The following ZBTB20 variants were observed in gnomAD, a reference collection of about 807,000 sequenced individuals.
The protein encoded by ZBTB20 is zinc finger and BTB domain-containing protein 20.
A neutral mutation model predicts 56.9 loss-of-function variants in ZBTB20; 9 were observed. The ratio of observed to expected loss-of-function variants is 0.16; its 90% CI spans 0.10 to 0.28. The LOEUF (loss-of-function observed/expected upper bound fraction) is 0.28. Ranked by LOEUF, ZBTB20 falls within the 10% of genes least tolerant of loss-of-function variation. The probability of loss-of-function intolerance (pLI) is 1.00; values close to 1 mark genes in which losing one functional copy is unlikely to be tolerated. For missense variants in ZBTB20, 655 were observed against 1,003.0 expected, an observed-to-expected ratio of 0.65 and a Z score of 4.69; for synonymous variants, 417 against 420.7, an observed-to-expected ratio of 0.99 and a Z score of 0.11.
intron 2 of ZBTB20, among the ~76,000 whole-genome samples, chr3:115,039,396 A>G (rs546278346): frequency 1.8e-4 from 27 of 152,200 alleles, no homozygotes; most frequent in South Asian, 1.0e-3. Context: ...TTCCCAAGGC[A>G]TATACTATTA....
At chr3:114,604,798 A>G (rs1406991317) in intron 6 of ZBTB20, among the ~76,000 whole-genome samples, 1 of 152,034 alleles carries the variant, frequency 6.6e-6, no homozygotes, top group Non-Finnish European at 1.5e-5. Context: ...TCTAAGCTCA[A>G]TCGAGTTACC....
At chr3:114,927,081 C>T (rs2076186182) in intron 3 of ZBTB20, among the ~76,000 whole-genome samples, 1 of 152,152 alleles carries the variant, frequency 6.6e-6, no homozygotes, top group Non-Finnish European at 1.5e-5. Context: ...AAAAGTCAAG[C>T]TGGGGACTGC....
chr3:114,753,298 C>A (rs1486086539), intron 5 of ZBTB20, among the ~76,000 whole-genome samples: 8 of 132,924 alleles, frequency 6.0e-5, no homozygotes, highest in East Asian at 2.1e-4. Flanking sequence ...ATATGTATAC[C>A]TGTATATATA....
intron 3 of ZBTB20, among the ~76,000 whole-genome samples, chr3:114,922,617 A>G (rs1266193504): frequency 6.6e-6 from 1 of 152,150 alleles, no homozygotes; most frequent in Non-Finnish European, 1.5e-5. Flanking sequence ...AAAGAGAAAA[A>G]GTTTTTTTGG....
intron 1 of ZBTB20, among the ~76,000 whole-genome samples, chr3:115,083,563 T>C (rs1410056086): frequency 1.3e-5 from 2 of 152,080 alleles, no homozygotes; most frequent in South Asian, 2.1e-4. Context: ...TAGAAAGTTA[T>C]TTTAGAACAT....
intron 2 of ZBTB20, 126 bp downstream of exon 2, chr3:115,071,093 T>C (rs962649208): frequency 9.9e-5 from 15 of 152,162 alleles, no homozygotes; most frequent in African/African-American, 3.6e-4. Context: ...AATCATCTTA[T>C]ACATATAAAT....
chr3:114,878,978 G>A (rs544168297), intron 4 of ZBTB20, among the ~76,000 whole-genome samples: 3 of 152,290 alleles, frequency 2.0e-5, no homozygotes, highest in South Asian at 2.1e-4. Context: ...AGCCAGGTAC[G>A]AATTGGCACC....
chr3:114,890,063 G>C (rs2076748577), intron 4 of ZBTB20, among the ~76,000 whole-genome samples: 1 of 152,128 alleles, frequency 6.6e-6, no homozygotes, highest in Non-Finnish European at 1.5e-5. Context: ...AGTGATAACA[G>C]AGAAACTTAA....
intron 7 of ZBTB20, among the ~76,000 whole-genome samples, chr3:114,427,562 G>A (rs768913073): frequency 5.3e-5 from 8 of 152,236 alleles, no homozygotes; most frequent in Non-Finnish European, 1.0e-4. Flanking sequence ...GCAGACCGAA[G>A]AGGAGAAGGT....
chr3:114,349,631 A>C (rs984611145), intron 11 of ZBTB20, among the ~76,000 whole-genome samples: 13 of 152,230 alleles, frequency 8.5e-5, no homozygotes, highest in Non-Finnish European at 1.8e-4. Flanking sequence ...TCCTGATAGC[A>C]TCCAATCATT....
Position 114,331,798 on chromosome 3 carries a change from G to A in ZBTB20, c.*7207C>T, listed in dbSNP as rs1024597084. 5 of 152,114 alleles carry A rather than the reference G, an allele frequency of 3.3e-5. No homozygotes were observed. The highest frequency in any genetic ancestry group is 7.2e-5 in the African/African-American group (3 of 41,416). 9.4% of individuals were successfully genotyped at this position (152,114 alleles called of 1,614,324 possible). ...GATACGTGAGATATGTCAGACCTTC[G>A]ACTTCTAACCAGAAGTTCAAAAATG... is the stretch of plus-strand genomic sequence containing the variant. On this transcript the variant is annotated 3_prime_UTR_variant, in exon 12 of 12. Coordinates refer to ENST00000675478, the MANE Select transcript of ZBTB20 (RefSeq NM_001348800.3).
At chr3:114,830,962 T>C (rs2073805580) in intron 4 of ZBTB20, among the ~76,000 whole-genome samples, 1 of 151,818 alleles carries the variant, frequency 6.6e-6, no homozygotes, top group Non-Finnish European at 1.5e-5. Flanking sequence ...TGCACTGCCA[T>C]ATTAAGCCCG....
chr3:115,043,589 A>G (rs569795249), intron 2 of ZBTB20, among the ~76,000 whole-genome samples: 7 of 30,680 alleles, frequency 2.3e-4, no homozygotes, highest in African/African-American at 4.4e-4. Context: ...AATAAAATAA[A>G]ATAAAATAAA....
At chr3:114,665,778 GCAAA>G (rs2061016020) in intron 6 of ZBTB20, among the ~76,000 whole-genome samples, 1 of 151,954 alleles carries the variant, frequency 6.6e-6, no homozygotes, top group Admixed American at 6.6e-5. Flanking sequence ...ATGAGAAAAA[GCAAA>G]CAAACACGCT....
At chr3:114,810,453 T>G (rs2072436719) in intron 4 of ZBTB20, among the ~76,000 whole-genome samples, 1 of 152,296 alleles carries the variant, frequency 6.6e-6, no homozygotes, top group African/African-American at 2.4e-5. Context: ...TCCATCAAAT[T>G]ATCGAATCAC....
intron 4 of ZBTB20, among the ~76,000 whole-genome samples, chr3:114,832,901 T>C (rs1242439293): frequency 6.6e-6 from 1 of 152,164 alleles, no homozygotes; most frequent in African/African-American, 2.4e-5. Flanking sequence ...TTGGAACATG[T>C]ACAATTTCAT....
intron 4 of ZBTB20, among the ~76,000 whole-genome samples, chr3:114,807,518 T>G (rs2072205652): frequency 6.6e-6 from 1 of 151,010 alleles, no homozygotes; most frequent in Admixed American, 6.6e-5. Flanking sequence ...CATTCTGCAC[T>G]GGATTGAATC....
At chr3:115,086,347 T>G (rs1232579721) in intron 1 of ZBTB20, among the ~76,000 whole-genome samples, 1 of 151,882 alleles carries the variant, frequency 6.6e-6, no homozygotes, top group East Asian at 1.9e-4. Context: ...CATTTCTAGT[T>G]TAAGCCTTCT....
chr3:114,934,161 C>A (rs2076452600), intron 3 of ZBTB20, among the ~76,000 whole-genome samples: 2 of 152,182 alleles, frequency 1.3e-5, no homozygotes, highest in South Asian at 4.1e-4. Context: ...TGTTGAAACC[C>A]TACACCTATG....
Sources: allele counts gnomAD v4.1 joint callset (sites outside exome capture counted in the v4.1 genomes callset), GRCh38; gene constraint gnomAD v4.1.1; transcripts MANE v1.5; gene names NCBI Gene and HGNC (gene_info 2026-07-23, HGNC 2026-07-21).